SLC2A9: variants seen among roughly 807,000 people sequenced by gnomAD.
SLC2A9 encodes the protein solute carrier family 2, facilitated glucose transporter member 9.
A neutral mutation model predicts 50.6 loss-of-function variants in SLC2A9; 39 were observed. That is an observed-to-expected ratio of 0.77 (90% CI 0.60 to 1.01). SLC2A9 has a LOEUF of 1.01. Ranked by LOEUF, SLC2A9 falls within the 50% of genes least tolerant of loss-of-function variation. SLC2A9 has a pLI of 0.00. For missense variants in SLC2A9, 686 were observed against 677.6 expected, an observed-to-expected ratio of 1.01 and a Z score of -0.14; for synonymous variants, 324 against 276.9, an observed-to-expected ratio of 1.17 and a Z score of -1.69.
chr4:9,788,817 T>C (rs1356894542), intron 3 of SLC2A9, among the ~76,000 whole-genome samples: 2 of 152,200 alleles, frequency 1.3e-5, no homozygotes, highest in African/African-American at 4.8e-5. Context: ...AGTTTTTTAC[T>C]TTTCAACACG....
intron 7 of SLC2A9, among the ~76,000 whole-genome samples, 197 bp from the exon 8 acceptor site, chr4:9,908,542 A>AT (rs1231536447): frequency 2.8e-5 from 4 of 141,798 alleles, no homozygotes; most frequent in Non-Finnish European, 3.0e-5. Context: ...TTATTATTTT[A>AT]TTTTTTATTT....
chr4:9,782,662 C>T lies in SLC2A9; in HGVS notation n.386-2597G>A, dbSNP rs569998475. The T allele has an allele frequency of 4.2e-5, 68 of 1,614,014 alleles. No individual in the cohort carries two copies. The Admixed American group carries it at 6.8e-4, about 16-fold the overall frequency. ...GGGAGGAGGACTTTTGGGAGCCCGA[C>T]GTGAATGCAGAGAACTGTGACTCCA... On this transcript the variant is annotated intron_variant and non_coding_transcript_variant, in intron 3 of 3. Coordinates refer to the SLC2A9 transcript ENST00000503803.
chr4:9,807,907 G>A (rs1021815654), intron 3 of SLC2A9, among the ~76,000 whole-genome samples: 3 of 152,240 alleles, frequency 2.0e-5, no homozygotes, highest in Non-Finnish European at 4.4e-5. Flanking sequence ...GAAGGTGGAC[G>A]ACATGGTTTC....
chr4:10,040,134 T>A (rs1223460879), exon 1 of SLC2A9: 1 of 152,284 alleles, frequency 6.6e-6, no homozygotes, highest in Admixed American at 6.5e-5. Context: ...ACTCACATTT[T>A]AGGGTTTTCC....
At chr4:10,003,026 G>C (rs767519491) in intron 2 of SLC2A9, among the ~76,000 whole-genome samples, 39 of 152,174 alleles carry the variant, frequency 2.6e-4, no homozygotes, top group Non-Finnish European at 4.6e-4. Context: ...AGCAAGACAG[G>C]GGGTAGAGGC....
chr4:9,809,827 A>T (rs1722637876), intron 3 of SLC2A9, among the ~76,000 whole-genome samples: 1 of 151,396 alleles, frequency 6.6e-6, no homozygotes, highest in Non-Finnish European at 1.5e-5. Flanking sequence ...ACCCTAATCT[A>T]GCCGCCATCA....
At chr4:9,897,232 T>C (rs1156440046) in intron 8 of SLC2A9, among the ~76,000 whole-genome samples, 1 of 152,182 alleles carries the variant, frequency 6.6e-6, no homozygotes, top group Non-Finnish European at 1.5e-5. Context: ...CAAAAGAATA[T>C]GCACATGCTC....
chr4:9,843,351 TATACACCTA>T (rs1425363262), intron 10 of SLC2A9, among the ~76,000 whole-genome samples: 1 of 152,206 alleles, frequency 6.6e-6, no homozygotes, highest in African/African-American at 2.4e-5. Context: ...GTTTATATCA[TATACACCTA>T]AGTACTAGTT....
intron 4 of SLC2A9, among the ~76,000 whole-genome samples, chr4:9,983,077 A>C (rs189674790): frequency 1.6e-3 from 240 of 152,260 alleles, no homozygotes; most frequent in African/African-American, 5.3e-3. Context: ...CATGTTGGTC[A>C]GGCTGCTCTC....
chr4:9,772,822 T>A (rs1250612218), intron 1 of SLC2A9, among the ~76,000 whole-genome samples: 8 of 61,706 alleles, frequency 1.3e-4, no homozygotes, highest in African/African-American at 2.9e-4. Context: ...TATTTTTTTT[T>A]TTATTTTTTT....
chr4:9,777,099 A>G (rs1717664027), downstream of SLC2A9, among the ~76,000 whole-genome samples: 1 of 152,156 alleles, frequency 6.6e-6, no homozygotes, highest in African/African-American at 2.4e-5. Context: ...ACTGTATGAC[A>G]TTGTTTATTT....
intron 7 of SLC2A9, among the ~76,000 whole-genome samples, chr4:9,917,762 T>C (rs1027989248): frequency 7.9e-5 from 12 of 152,202 alleles, no homozygotes; most frequent in African/African-American, 1.4e-4. Context: ...CATGGGATGT[T>C]TGGCAGTGTC....
At chr4:9,829,445 G>A (rs1488670055) in intron 11 of SLC2A9, among the ~76,000 whole-genome samples, 9 of 147,078 alleles carry the variant, frequency 6.1e-5, no homozygotes, top group African/African-American at 1.0e-4. Context: ...ACATAGTCAC[G>A]GGCAAAGATT....
At chr4:9,925,972 T>C (rs1357174283) in intron 6 of SLC2A9, among the ~76,000 whole-genome samples, 2 of 152,054 alleles carry the variant, frequency 1.3e-5, no homozygotes, top group African/African-American at 2.4e-5. Context: ...TGACAGACAC[T>C]GATGCATCTG....
At chr4:10,032,576 A>T (rs949405981) in intron 1 of SLC2A9, among the ~76,000 whole-genome samples, 2 of 152,128 alleles carry the variant, frequency 1.3e-5, no homozygotes, top group Non-Finnish European at 2.9e-5. Context: ...GTGGAAGCAG[A>T]GACCAAATTT....
intron 10 of SLC2A9, among the ~76,000 whole-genome samples, chr4:9,861,604 C>G (rs1374554620): frequency 6.6e-6 from 1 of 152,120 alleles, no homozygotes; most frequent in African/African-American, 2.4e-5. Flanking sequence ...CCATGCACTG[C>G]TCCAATTTCT....
At chr4:9,935,733 CT>C (rs1746945628) in intron 6 of SLC2A9, among the ~76,000 whole-genome samples, 1 of 152,204 alleles carries the variant, frequency 6.6e-6, no homozygotes, top group Admixed American at 6.5e-5. Context: ...ACGTGTGCCC[CT>C]GAACATATGC....
At chr4:9,810,945 T>C (rs1398347595) in intron 3 of SLC2A9, among the ~76,000 whole-genome samples, 3 of 152,252 alleles carry the variant, frequency 2.0e-5, no homozygotes, top group East Asian at 1.9e-4. Flanking sequence ...ACACTAGCGA[T>C]AGTTGTGTCT....
chr4:9,902,729 C>A (rs888819323), intron 8 of SLC2A9, among the ~76,000 whole-genome samples: 5 of 152,162 alleles, frequency 3.3e-5, no homozygotes, highest in African/African-American at 1.2e-4. Flanking sequence ...TAAATTTTCC[C>A]TTTTCATAAG....
Sources: gnomAD v4.1 joint callset for allele counts (sites outside exome capture counted in the v4.1 genomes callset) on GRCh38, gnomAD v4.1.1 for gene constraint, MANE v1.5 for transcripts, NCBI Gene and HGNC (gene_info 2026-07-23, HGNC 2026-07-21) for gene names.